KCTD21: variants seen among roughly 807,000 people sequenced by gnomAD.
KCTD21 encodes the protein potassium channel tetramerization domain containing 21.
In KCTD21, 9 loss-of-function variants were observed where a neutral mutation model predicts 13.2. The ratio of observed to expected loss-of-function variants is 0.68; its 90% CI spans 0.41 to 1.19. The LOEUF is 1.19. Among genes scored for constraint, KCTD21 ranks in the 50% most tolerant of loss-of-function variants. The pLI is 0.01. For missense variants in KCTD21, 303 were observed against 336.5 expected (o/e 0.90, Z 0.78); for synonymous variants, 142 against 137.4 (o/e 1.03, Z -0.23).
Position 78,172,159 on chromosome 11 carries a change from G to A in KCTD21, c.*1613C>T, listed in dbSNP as rs1423091446. ...CAAACTCACTTTAGGGATGAATCAT[G>A]ACGTGCAGTTTGGAGGCCTGCATGG... On this transcript the variant is annotated 3_prime_UTR_variant, in exon 2 of 2. Transcript: ENST00000340067. 6.6e-6 allele frequency: 1 copy of A among 152,300 alleles called. No homozygotes were observed. The highest frequency in any genetic ancestry group is 1.5e-5 in the Non-Finnish European group (1 of 68,088). 9.4% of individuals were successfully genotyped at this position (152,300 alleles called of 1,614,324 possible).
At chr11:78,185,754 G>C (rs1425307793) in intron 1 of KCTD21, among the ~76,000 whole-genome samples, 1 of 152,016 alleles carries the variant, frequency 6.6e-6, no homozygotes, top group Admixed American at 6.6e-5. Flanking sequence ...ACCATGCCCG[G>C]CTAATTTTTG....
chr11:78,178,514 G>A (rs189287268), intron 1 of KCTD21, among the ~76,000 whole-genome samples: 4 of 152,278 alleles, frequency 2.6e-5, no homozygotes, highest in Admixed American at 2.6e-4. Flanking sequence ...GACATGACAC[G>A]AGGGGAGTTT....
Position 78,174,538 on chromosome 11 carries a change from G to A in KCTD21, c.17C>T (p.Thr6Met), listed in dbSNP as rs772092002. 97 of 1,612,430 alleles carry A rather than the reference G, an allele frequency of 6.0e-5. No individual in the cohort carries two copies. The South Asian group carries it at 9.1e-4, about 15-fold the overall frequency. ...ATAGAGCTTCCCCCCGACGTTCAGC[G>A]TGATGGGGTCGGACATGGCAGGAGA... is the stretch of plus-strand genomic sequence containing the variant. MSDPI[T>M]LNVGGKLYTT... The change falls in exon 2 of 2, where the codon ACG becomes ATG. Residue 6 changes from threonine to methionine, a missense_variant. Thr to Met is a moderately conservative substitution (Grantham distance 81). Transcript: ENST00000340067.
At chr11:78,175,714 A>G (rs1239858940) in intron 1 of KCTD21, among the ~76,000 whole-genome samples, 2 of 152,170 alleles carry the variant, frequency 1.3e-5, no homozygotes, top group African/African-American at 4.8e-5. Flanking sequence ...TGCAAATGAC[A>G]ATCCTGTTTT....
intron 1 of KCTD21, among the ~76,000 whole-genome samples, chr11:78,177,254 C>T (rs1862480017): frequency 6.6e-6 from 1 of 152,226 alleles, no homozygotes; most frequent in Non-Finnish European, 1.5e-5. Context: ...GGTATGTCCC[C>T]TCATGATTCC....
chr11:78,187,128 G>C, intron 1 of KCTD21: 1 of 985,424 alleles, frequency 1.0e-6, no homozygotes, highest in Non-Finnish European at 1.2e-6. Flanking sequence ...TGGACAGCAC[G>C]TGGCTGGGTA....
chr11:78,182,022 G>A (rs1280901219), intron 1 of KCTD21, among the ~76,000 whole-genome samples: 1 of 152,188 alleles, frequency 6.6e-6, no homozygotes, highest in Non-Finnish European at 1.5e-5. Context: ...TTTGTGAGCT[G>A]AGAGCAACTG....
At position 78,173,946 on chromosome 11, in the gene KCTD21, C is replaced by A; in HGVS notation, c.609G>T (p.Gln203His). ...EGLPEEEYTK[Q>H]NLKRLWVVPA... ...GCACCACCCAGAGCCTCTTGAGGTT[C>A]TGCTTGGTGTACTCCTCCTCTGGCA... Residue 203 changes from glutamine (Q) to histidine (H), a missense_variant, in exon 2 of 2, where the codon CAG (glutamine) becomes CAT (histidine). Physicochemically the swap from Gln to His is conservative, Grantham distance 24 (BLOSUM62 0). Transcript: ENST00000340067. 6.2e-7 allele frequency: 1 copy of A among 1,614,116 alleles called. No homozygotes were observed. Among genetic ancestry groups the A allele is most frequent in the Non-Finnish European group, 8.5e-7 (1 of 1,180,032 alleles).
In KCTD21 at chr11:78,173,480, G is replaced by T; in HGVS notation, c.*292C>A. 6.3e-6 allele frequency: 2 copies of T among 316,328 alleles called. No individual in the cohort carries two copies. Among genetic ancestry groups the T allele is most frequent in the Non-Finnish European group, 5.9e-6 (1 of 170,696 alleles). 19.6% of individuals were successfully genotyped at this position (316,328 alleles called of 1,614,324 possible). A position where few individuals can be genotyped will look rare whatever the true frequency, so the allele number is the denominator to read the frequency against. The stretch of plus-strand genomic sequence containing the variant: ...CCCAGGAGAAAACTGCTGCTCTTTT[G>T]TCCTGGCTGGAAAATCCTCCTATGG... On this transcript the variant is annotated 3_prime_UTR_variant, in exon 2 of 2. Transcript: ENST00000340067.
rs760657548 is a variant in KCTD21 at position 78,173,478 on chromosome 11, T to C, written c.*294A>G. 6.4e-5 allele frequency: 20 copies of C among 310,158 alleles called. 1 individual carries two copies. Among genetic ancestry groups the C allele is most frequent in the African/African-American group, 1.5e-4 (7 of 47,064 alleles). 19.2% of individuals were successfully genotyped at this position (310,158 alleles called of 1,614,324 possible). On this transcript the variant is annotated 3_prime_UTR_variant, in exon 2 of 2. Coordinates refer to ENST00000340067, the MANE Select transcript of KCTD21 (RefSeq NM_001029859.3). The stretch of plus-strand genomic sequence containing the variant: ...AGCCCAGGAGAAAACTGCTGCTCTT[T>C]TGTCCTGGCTGGAAAATCCTCCTAT...
chr11:78,174,711 G>C (rs562378082), intron 1 of KCTD21, 128 bp from the exon 2 acceptor site: 5 of 652,844 alleles, frequency 7.7e-6, no homozygotes, highest in Non-Finnish European at 1.3e-5. Context: ...TGATGAATGG[G>C]TGATAATTGC....
intron 1 of KCTD21, among the ~76,000 whole-genome samples, chr11:78,184,438 G>A (rs567062023): frequency 6.6e-6 from 1 of 152,100 alleles, no homozygotes; most frequent in East Asian, 1.9e-4. Context: ...CTGAGTTCAA[G>A]CAATTCTCTT....
At chr11:78,179,481 G>A (rs914944655) in intron 1 of KCTD21, among the ~76,000 whole-genome samples, 1 of 151,920 alleles carries the variant, frequency 6.6e-6, no homozygotes, top group Admixed American at 6.6e-5. Context: ...AAGCAGCCCC[G>A]ACTCTTCAGC....
chr11:78,171,300 C>T lies in KCTD21; in HGVS notation c.*2472G>A, dbSNP rs1862275183. ...ACGTTACATTATTTCATTTGATCCT[C>T]ACAACAGCCCTGTGAGGTAGGTAGG... On this transcript the variant is annotated 3_prime_UTR_variant, in exon 2 of 2. Transcript: ENST00000340067. 6.6e-6 allele frequency: 1 copy of T among 152,608 alleles called. No homozygotes were observed. The highest frequency in any genetic ancestry group is 2.4e-5 in the African/African-American group (1 of 41,444). 9.5% of individuals were successfully genotyped at this position (152,608 alleles called of 1,614,324 possible). A position where few individuals can be genotyped will look rare whatever the true frequency, so the allele number is the denominator to read the frequency against.
intron 1 of KCTD21, chr11:78,187,065 C>T: frequency 1.0e-6 from 1 of 985,328 alleles, no homozygotes; most frequent in Non-Finnish European, 1.2e-6. Flanking sequence ...GTGACAAGGC[C>T]GAGGTGATTA....
At chr11:78,182,772 G>A (rs1039081151) in intron 1 of KCTD21, among the ~76,000 whole-genome samples, 2 of 152,168 alleles carry the variant, frequency 1.3e-5, no homozygotes, top group Non-Finnish European at 2.9e-5. Flanking sequence ...TCCTTTAGAC[G>A]TCTTCGGCAG....
At chr11:78,178,157 C>T (rs145184637) in intron 1 of KCTD21, among the ~76,000 whole-genome samples, 2,930 of 145,772 alleles carry the variant, frequency 0.02, 100 homozygotes, top group African/African-American at 0.071. Context: ...GATGGAGTCT[C>T]GCTCTGTCGC....
chr11:78,186,767 C>A, intron 1 of KCTD21: 1 of 985,490 alleles, frequency 1.0e-6, no homozygotes, highest in Non-Finnish European at 1.2e-6. Flanking sequence ...AGACAAATCC[C>A]ATGCATCGGC....
At chr11:78,182,091 G>A (rs1862640142) in intron 1 of KCTD21, among the ~76,000 whole-genome samples, 1 of 152,208 alleles carries the variant, frequency 6.6e-6, no homozygotes, top group Non-Finnish European at 1.5e-5. Flanking sequence ...GTGTGATACT[G>A]TGATATAATA....
Sources: allele counts gnomAD v4.1 joint callset (sites outside exome capture counted in the v4.1 genomes callset), GRCh38; gene constraint gnomAD v4.1.1; transcripts MANE v1.5; gene names NCBI Gene and HGNC (gene_info 2026-07-23, HGNC 2026-07-21).